Variants in GRID2 observed in about 807,000 individuals in gnomAD.
GRID2 encodes glutamate ionotropic receptor delta type subunit 2, also known as glutamate receptor ionotropic, delta-2.
Under a neutral mutation model 114.8 loss-of-function variants are expected in GRID2, and 33 were observed. The ratio of observed to expected loss-of-function variants is 0.29; its 90% CI spans 0.22 to 0.38. The LOEUF (loss-of-function observed/expected upper bound fraction) is 0.38, where lower values mean the gene tolerates loss of function less well. GRID2 is among the 10% of genes least tolerant of loss of function. The pLI, the probability that GRID2 is intolerant of heterozygous loss-of-function variation, is 1.00. For synonymous variants in GRID2, 505 were observed against 449.9 expected, an observed-to-expected ratio of 1.12 and a Z score of -1.55; for missense variants, 1,184 against 1,257.7, an observed-to-expected ratio of 0.94 and a Z score of 0.89.
intron 4 of GRID2, among the ~76,000 whole-genome samples, chr4:93,167,544 C>A (rs1371607609): frequency 6.6e-6 from 1 of 151,970 alleles, no homozygotes; most frequent in Non-Finnish European, 1.5e-5. Flanking sequence ...TTAGGTTTCT[C>A]TGCAACACAA....
At chr4:93,316,304 G>GAAAC in intron 8 of GRID2, among the ~76,000 whole-genome samples, 1 of 105,772 alleles carries the variant, frequency 9.5e-6, no homozygotes, top group African/African-American at 4.3e-5. Flanking sequence ...AAGAAAGAAA[G>GAAAC]AAAGAAAGAA....
intron 4 of GRID2, among the ~76,000 whole-genome samples, chr4:93,193,856 T>G (rs2149450491): frequency 6.6e-6 from 1 of 152,302 alleles, no homozygotes; most frequent in Middle Eastern, 3.4e-3. Flanking sequence ...CCCCCTGAAT[T>G]ATAGGCCACA....
In GRID2 at chr4:92,510,170, T is replaced by A. The variant is rs564052737; in HGVS notation, c.89-79961T>A. 1.8e-4 allele frequency among the ~76,000 whole-genome samples: 27 copies of A among 152,038 alleles called. No homozygotes were observed. In the South Asian group the frequency reaches 4.3e-3, roughly 24 times the overall value. Reference sequence around the variant, plus strand: ...TGAATGATAGTAACTATGGTTTAACTGTGGATATATCTTGAAGTCAGAATC... The same window carrying A: ...TGAATGATAGTAACTATGGTTTAACAGTGGATATATCTTGAAGTCAGAATC... On this transcript the variant is annotated intron_variant, in intron 1 of 15. Transcript: ENST00000282020.
chr4:92,979,276 C>T (rs1754045737), intron 2 of GRID2, among the ~76,000 whole-genome samples: 1 of 151,636 alleles, frequency 6.6e-6, no homozygotes, highest in Non-Finnish European at 1.5e-5. Flanking sequence ...TTAATTGCAA[C>T]TTCTAAAATT....
chr4:92,502,695 C>T (rs1723743143), intron 1 of GRID2, among the ~76,000 whole-genome samples: 1 of 143,868 alleles, frequency 7.0e-6, no homozygotes. Context: ...GAACTAATGC[C>T]ATGTGATTTC....
chr4:92,352,169 T>C (rs535169969), intron 1 of GRID2, among the ~76,000 whole-genome samples: 28 of 151,974 alleles, frequency 1.8e-4, no homozygotes, highest in African/African-American at 6.0e-4. Context: ...ATTTTTTGTC[T>C]TTTGATAATA....
chr4:93,503,243 G>A (rs1728298673), intron 12 of GRID2, among the ~76,000 whole-genome samples: 1 of 152,094 alleles, frequency 6.6e-6, no homozygotes, highest in African/African-American at 2.4e-5. Flanking sequence ...AGGCAGAGCT[G>A]TTTGGCAGAA....
intron 4 of GRID2, among the ~76,000 whole-genome samples, chr4:93,193,995 A>C (rs951803975): frequency 6.6e-6 from 1 of 152,208 alleles, no homozygotes; most frequent in African/African-American, 2.4e-5. Context: ...ACATACAGTA[A>C]TCTTCAAGAA....
chr4:93,537,817 TC>T (rs550329546), intron 13 of GRID2, among the ~76,000 whole-genome samples: 25 of 151,854 alleles, frequency 1.6e-4, no homozygotes, highest in Admixed American at 1.2e-3. Context: ...TCTAAATATT[TC>T]CCCCTTTGTT....
intron 14 of GRID2, among the ~76,000 whole-genome samples, chr4:93,647,092 T>C (rs1722177922): frequency 6.6e-6 from 1 of 152,150 alleles, no homozygotes. Context: ...GATTTCTGTG[T>C]TAGATGAAGG....
chr4:92,740,721 TA>T (rs144674068), intron 2 of GRID2, among the ~76,000 whole-genome samples: 11 of 146,746 alleles, frequency 7.5e-5, no homozygotes, highest in African/African-American at 2.7e-4. Context: ...GATAGATAGA[TA>T]GATAGATAGA....
At chr4:93,275,810 G>A (rs540703168) in intron 8 of GRID2, among the ~76,000 whole-genome samples, 6 of 151,454 alleles carry the variant, frequency 4.0e-5, no homozygotes, top group African/African-American at 9.7e-5. Flanking sequence ...ATTTTAAATC[G>A]GGTTATTTTT....
intron 2 of GRID2, among the ~76,000 whole-genome samples, chr4:92,603,545 T>C (rs2149221443): frequency 6.6e-6 from 1 of 152,168 alleles, no homozygotes; most frequent in East Asian, 1.9e-4. Flanking sequence ...TAACTCAAGA[T>C]GGATTAAAGG....
chr4:92,912,136 A>C (rs1452333993), intron 2 of GRID2, among the ~76,000 whole-genome samples: 2 of 151,870 alleles, frequency 1.3e-5, no homozygotes, highest in East Asian at 3.8e-4. Context: ...AGTTTTATTT[A>C]ATCTATACAG....
At chr4:93,202,616 T>G (rs1367927485) in intron 4 of GRID2, among the ~76,000 whole-genome samples, 1 of 152,148 alleles carries the variant, frequency 6.6e-6, no homozygotes, top group African/African-American at 2.4e-5. Flanking sequence ...ATGCCACTAG[T>G]GTGATAGAGC....
intron 1 of GRID2, among the ~76,000 whole-genome samples, chr4:92,526,847 C>T (rs552940454): frequency 2.0e-4 from 31 of 152,082 alleles, no homozygotes; most frequent in African/African-American, 6.7e-4. Flanking sequence ...TCAGTACTCT[C>T]CTTGACTTAC....
intron 10 of GRID2, among the ~76,000 whole-genome samples, chr4:93,438,042 G>C (rs1302146926): frequency 6.6e-6 from 1 of 152,010 alleles, no homozygotes; most frequent in Non-Finnish European, 1.5e-5. Context: ...AGAAGACTAA[G>C]GTTATGTTTA....
chr4:92,592,064 T>C (rs1560477318), intron 2 of GRID2, among the ~76,000 whole-genome samples: 1 of 151,946 alleles, frequency 6.6e-6, no homozygotes, highest in Non-Finnish European at 1.5e-5. Context: ...TTAGAAATAA[T>C]AGAAGGATCT....
intron 10 of GRID2, among the ~76,000 whole-genome samples, chr4:93,442,497 C>T (rs941415697): frequency 1.3e-5 from 2 of 151,960 alleles, no homozygotes; most frequent in Non-Finnish European, 2.9e-5. Flanking sequence ...ATTCAATAAG[C>T]ATTTATTGGG....
Sources: gnomAD v4.1 joint callset for allele counts (sites outside exome capture counted in the v4.1 genomes callset) on GRCh38, gnomAD v4.1.1 for gene constraint, MANE v1.5 for transcripts, NCBI Gene and HGNC (gene_info 2026-07-23, HGNC 2026-07-21) for gene names.